Variants in NHLRC3 observed in about 807,000 individuals in gnomAD.
NHLRC3 encodes the protein NHL repeat-containing protein 3.
A neutral mutation model predicts 32.0 loss-of-function variants in NHLRC3; 23 were observed. The observed-to-expected ratio is 0.72, with a 90% CI of 0.52 to 1.02. The LOEUF (loss-of-function observed/expected upper bound fraction) is 1.02, where lower values mean the gene tolerates loss of function less well. NHLRC3 is among the 50% of genes least tolerant of loss of function. The pLI, the probability that NHLRC3 is intolerant of heterozygous loss-of-function variation, is 0.00. For missense variants in NHLRC3, 407 were observed against 406.8 expected (o/e 1.00, Z -0.01); for synonymous variants, 159 against 147.9 (o/e 1.08, Z -0.55).
Position 39,039,710 on chromosome 13 carries a change from T to C in NHLRC3, c.384T>C (p.Ser128=). 6.2e-7 allele frequency: 1 copy of C among 1,608,732 alleles called. No individual in the cohort carries two copies. Among genetic ancestry groups the C allele is most frequent in the Non-Finnish European group, 8.5e-7 (1 of 1,175,400 alleles). ...EQSVWITDVG[S]GFFGHTVKKY... ...CCGTCTGGATCACGGATGTAGGAAG[T>C]GGTATGTATAGTAATATCTATTAAA... Residue 128 remains serine, a splice_region_variant and synonymous_variant, in exon 3 of 7, where the codon AGT becomes AGC. Transcript: ENST00000379600.
rs149002567 is a variant in NHLRC3 at position 39,047,045 on chromosome 13, G to C, written c.684G>C (p.Trp228Cys). ...SVTLDSAGRV[W>C]VADRGNKRIQ... The stretch of plus-strand genomic sequence containing the variant: ...CATTTTTGTGTGTTTCTCAGGTGTG[G>C]GTTGCTGACCGAGGAAATAAAAGAA... Residue 228 changes from tryptophan to cysteine, a missense_variant, in exon 6 of 7, where the codon TGG (tryptophan) becomes TGC (cysteine). Coordinates refer to ENST00000379600, the MANE Select transcript of NHLRC3 (RefSeq NM_001012754.4). 6.2e-7 allele frequency: 1 copy of C among 1,601,362 alleles called. No homozygotes were observed. Among genetic ancestry groups the C allele is most frequent in the Non-Finnish European group, 8.5e-7 (1 of 1,169,692 alleles).
rs781015786 is a variant in NHLRC3 at position 39,049,093 on chromosome 13, G to A, written c.*1167G>A. 9 of 151,096 alleles carry A rather than the reference G, an allele frequency of 6.0e-5. No individual in the cohort carries two copies. Among genetic ancestry groups the A allele is most frequent in the Non-Finnish European group, 1.2e-4 (8 of 67,844 alleles). The allele number at this position is 151,096 out of a possible 1,614,324, so 9.4% of individuals were successfully genotyped here. Reference sequence around the variant, plus strand: ...TTGTTTTAGCTTATTATAGGTTTTGGAGGAACTTTGCCATTTTGTAATCTT... The same window carrying A: ...TTGTTTTAGCTTATTATAGGTTTTGAAGGAACTTTGCCATTTTGTAATCTT... On this transcript the variant is annotated 3_prime_UTR_variant, in exon 7 of 7. Transcript: ENST00000379600.
chr13:39,040,262 C>A (rs1871417731), intron 3 of NHLRC3: 1 of 151,844 alleles, frequency 6.6e-6, no homozygotes, highest in Non-Finnish European at 1.5e-5. Flanking sequence ...TGTCTAGGGT[C>A]TTTTCCTCTT....
At position 39,044,346 on chromosome 13, in the gene NHLRC3, G is replaced by A. The variant is rs576620457; in HGVS notation, c.678+165G>A. On this transcript the variant is annotated intron_variant, in intron 5 of 6. Coordinates refer to ENST00000379600, the MANE Select transcript of NHLRC3 (RefSeq NM_001012754.4). ...ACATGTGTGTTAGTGGGTATGTCTG[G>A]GTAATTACTCTGGGGCTGGGTGTGC... 2.3e-5 allele frequency: 14 copies of A among 600,966 alleles called. No homozygotes were observed. The East Asian group carries it at 3.7e-4, about 16-fold the overall frequency. The allele number at this position is 600,966 out of a possible 1,614,324, so 37.2% of individuals were successfully genotyped here.
chr13:39,039,343 C>T (rs1871360220), intron 2 of NHLRC3, 55 bp downstream of exon 2: 4 of 1,421,378 alleles, frequency 2.8e-6, no homozygotes. Context: ...AACAGCCTTC[C>T]TGTCTTGCTG....
intron 5 of NHLRC3, among the ~76,000 whole-genome samples, chr13:39,046,169 T>A (rs529462734): frequency 6.6e-6 from 1 of 151,970 alleles, no homozygotes; most frequent in Admixed American, 6.6e-5. Context: ...TACAAAAAAA[T>A]TAGCCGGGCG....
At chr13:39,046,186 C>T (rs536970851) in intron 5 of NHLRC3, among the ~76,000 whole-genome samples, 16 of 152,048 alleles carry the variant, frequency 1.1e-4, no homozygotes, top group Non-Finnish European at 1.9e-4. Flanking sequence ...GGCGTGGTGG[C>T]GGGCGCCTGT....
chr13:39,041,126 T>G (rs1313074270), intron 3 of NHLRC3: 1 of 152,174 alleles, frequency 6.6e-6, no homozygotes, highest in Admixed American at 6.5e-5. Context: ...CCCAGAGATC[T>G]GAAGACAGTT....
chr13:39,039,261 C>G lies in NHLRC3; in HGVS notation c.210C>G (p.Ser70=). ...TGTTFCVAVD[S]LNGLVYIGQR... is the part of the protein sequence containing the mutation. ...CAACATTTTGTGTTGCAGTTGACTCCCTCAATGGATTGGTTTACATAGGTC... is the reference window on the plus strand; with the variant it reads ...CAACATTTTGTGTTGCAGTTGACTCGCTCAATGGATTGGTTTACATAGGTC... Residue 70 remains serine, a synonymous_variant, in exon 2 of 7, where the codon TCC becomes TCG. Coordinates refer to ENST00000379600, the MANE Select transcript of NHLRC3 (RefSeq NM_001012754.4). 1 of 1,613,910 alleles carries G rather than the reference C, an allele frequency of 6.2e-7. No homozygotes were observed.
chr13:39,039,066 G>GC, intron 1 of NHLRC3, 70 bp from the exon 2 acceptor site: 3 of 453,924 alleles, frequency 6.6e-6, no homozygotes, highest in Non-Finnish European at 8.4e-6. Context: ...CCTGTTACCC[G>GC]GCCCCCCCGC....
chr13:39,044,103 T>C lies in NHLRC3; in HGVS notation c.600T>C (p.Leu200=). 3 of 1,612,260 alleles carry C rather than the reference T, an allele frequency of 1.9e-6. No homozygotes were observed. The highest frequency in any genetic ancestry group is 1.7e-4 in the Middle Eastern group (1 of 6,060). ...LIKLSQDFMI[L]WLHGENGTGP... ...TACCGTTTATAGATTTCATGATCCTTTGGCTGCATGGAGAAAATGGGACAG... is the reference window on the plus strand; with the variant it reads ...TACCGTTTATAGATTTCATGATCCTCTGGCTGCATGGAGAAAATGGGACAG... Residue 200 remains leucine, a synonymous_variant, in exon 5 of 7, where the codon CTT becomes CTC. Transcript: ENST00000379600.
rs751863983 is a variant in NHLRC3, at chr13:39,042,105, G to T, written c.386G>T (p.Gly129Val). 47 of 1,555,062 alleles carry T rather than the reference G, an allele frequency of 3.0e-5. No homozygotes were observed. The highest frequency in any genetic ancestry group is 4.0e-5 in the Non-Finnish European group (45 of 1,126,810). ...QSVWITDVGSGFFGHTVKKYS... is the reference protein window; with the variant it reads ...QSVWITDVGSVFFGHTVKKYS... ...GAGATGTACATATCTATCTTTATAG[G>T]ATTCTTTGGTCATACTGTTAAAAAA... Residue 129 changes from glycine to valine, a missense_variant and splice_region_variant, in exon 4 of 7, where the codon GGA (glycine) becomes GTA (valine). By Grantham distance (109) the Gly-to-Val change is moderately radical (BLOSUM62 -3). Transcript: ENST00000379600.
Position 39,049,670 on chromosome 13 carries a change from A to T in NHLRC3, c.*1744A>T, listed in dbSNP as rs766712108. 3 of 152,266 alleles carry T rather than the reference A, an allele frequency of 2.0e-5. No individual in the cohort carries two copies. Among genetic ancestry groups the T allele is most frequent in the Non-Finnish European group, 2.9e-5 (2 of 68,042 alleles). 9.4% of individuals were successfully genotyped at this position (152,266 alleles called of 1,614,324 possible). On this transcript the variant is annotated 3_prime_UTR_variant, in exon 7 of 7. Coordinates refer to ENST00000379600, the MANE Select transcript of NHLRC3 (RefSeq NM_001012754.4). ...AATATGGTCAATTGATTTGGATAAA[A>T]GAAAGTAATTTCAGGGTTTGTTTTT...
In NHLRC3 at chr13:39,048,719, ATTACC is replaced by A. The variant is rs1190927230; in HGVS notation, c.*795_*799del. ...TTAAAGCCCAACTTGGCTTCTGTCC[ATTACC>A]TATAAGATATTTAATGTCAGTCAGC... On this transcript the variant is annotated 3_prime_UTR_variant, in exon 7 of 7. Coordinates refer to ENST00000379600, the MANE Select transcript of NHLRC3 (RefSeq NM_001012754.4). 3 of 152,222 alleles carry A rather than the reference ATTACC, an allele frequency of 2.0e-5. No individual in the cohort carries two copies. Among genetic ancestry groups the A allele is most frequent in the Admixed American group, 6.5e-5 (1 of 15,274 alleles). 9.4% of individuals were successfully genotyped at this position (152,222 alleles called of 1,614,324 possible). A position where few individuals can be genotyped will look rare whatever the true frequency, so the allele number is the denominator to read the frequency against.
intron 6 of NHLRC3, among the ~76,000 whole-genome samples, chr13:39,047,441 C>G (rs1871724114): frequency 6.6e-6 from 1 of 152,092 alleles, no homozygotes; most frequent in Non-Finnish European, 1.5e-5. Flanking sequence ...ATTTTGTGGA[C>G]TATGATATTG....
At chr13:39,038,425 C>T (rs549855176), upstream of NHLRC3, 129 of 578,946 alleles carry the variant, frequency 2.2e-4, no homozygotes, top group African/African-American at 2.1e-3. Context: ...GAAATGCACA[C>T]GAAGTCCGGA....
intron 4 of NHLRC3, among the ~76,000 whole-genome samples, 175 bp from the exon 5 acceptor site, chr13:39,043,914 TA>T (rs369355702): frequency 6.1e-5 from 9 of 148,150 alleles, no homozygotes; most frequent in Admixed American, 6.1e-4. Context: ...GAAGGAACTT[TA>T]AAAAAAAAAC....
rs1010847251 is a variant in NHLRC3 at position 39,038,742 on chromosome 13, A to G, written c.84+19A>G. 6.3e-7 allele frequency: 1 copy of G among 1,599,404 alleles called. No individual in the cohort carries two copies. The highest frequency in any genetic ancestry group is 8.6e-7 in the Non-Finnish European group (1 of 1,166,608). ...CTCTCCAGTGAGTTGGGTAGTGAGG[A>G]AATGACTGTCGGGTGTGCGGGTAGC... On this transcript the variant is annotated intron_variant, in intron 1 of 6. Coordinates refer to ENST00000379600, the MANE Select transcript of NHLRC3 (RefSeq NM_001012754.4).
rs755182893 is a variant in NHLRC3 at position 39,039,616 on chromosome 13, T to C, written c.290T>C (p.Leu97Pro). ...GTGTTCACAGAGGATGGATATTTCC[T>C]ACGAGCCTGGAATTATACAGTTGAC... ...ILVFTEDGYF[L>P]RAWNYTVDTP... is the part of the protein sequence containing the mutation. Residue 97 changes from leucine (L) to proline (P), a missense_variant, in exon 3 of 7, where the codon CTA becomes CCA. Transcript: ENST00000379600. The C allele has an allele frequency of 6.2e-7, 1 of 1,611,548 alleles. No homozygotes were observed. Among genetic ancestry groups the C allele is most frequent in the Non-Finnish European group, 8.5e-7 (1 of 1,177,648 alleles).
Sources: gnomAD v4.1 joint callset for allele counts (sites outside exome capture counted in the v4.1 genomes callset) on GRCh38, gnomAD v4.1.1 for gene constraint, MANE v1.5 for transcripts, NCBI Gene and HGNC (gene_info 2026-07-23, HGNC 2026-07-21) for gene names.